The following CLPTM1L variants were observed in gnomAD, a reference collection of about 807,000 sequenced individuals.
The protein encoded by CLPTM1L is lipid scramblase CLPTM1L.
A neutral mutation model predicts 70.9 loss-of-function variants in CLPTM1L; 38 were observed. The observed-to-expected ratio is 0.54, with a 90% CI of 0.41 to 0.70. The LOEUF (loss-of-function observed/expected upper bound fraction) is 0.70. Among genes scored for constraint, CLPTM1L ranks in the 30% least tolerant of loss-of-function variants. The pLI, the probability that CLPTM1L is intolerant of heterozygous loss-of-function variation, is 0.00. For missense variants in CLPTM1L, 652 were observed against 705.9 expected, an observed-to-expected ratio of 0.92 and a Z score of 0.87; for synonymous variants, 339 against 299.9, an observed-to-expected ratio of 1.13 and a Z score of -1.35.
At chr5:1,333,888 T>C (rs1753367915) in intron 7 of CLPTM1L, among the ~76,000 whole-genome samples, 1 of 152,082 alleles carries the variant, frequency 6.6e-6, no homozygotes, top group Admixed American at 6.5e-5. Flanking sequence ...AGAACTACTT[T>C]CTGCTAGAGG....
At chr5:1,340,109 G>C (rs980247308) in intron 3 of CLPTM1L, among the ~76,000 whole-genome samples, 4 of 152,238 alleles carry the variant, frequency 2.6e-5, no homozygotes, top group Admixed American at 6.5e-5. Flanking sequence ...CGGAAGCCAG[G>C]GGGTGCTGCT....
At chr5:1,333,538 G>C (rs1472050991) in intron 7 of CLPTM1L, among the ~76,000 whole-genome samples, 15 of 130,412 alleles carry the variant, frequency 1.2e-4, no homozygotes, top group African/African-American at 3.9e-4. Context: ...TGAGGATAAG[G>C]GGGGACTACT....
At chr5:1,329,276 G>A (rs953915559) in intron 9 of CLPTM1L, among the ~76,000 whole-genome samples, 5 of 152,266 alleles carry the variant, frequency 3.3e-5, no homozygotes, top group Non-Finnish European at 5.9e-5. Flanking sequence ...AGTGATTTCC[G>A]TCAGTGCCTA....
At chr5:1,327,308 A>G (rs202123202) in intron 9 of CLPTM1L, among the ~76,000 whole-genome samples, 1 of 148,166 alleles carries the variant, frequency 6.7e-6, no homozygotes, top group Non-Finnish European at 1.5e-5. Flanking sequence ...CCTCCTCTAC[A>G]GACACATTCC....
chr5:1,339,165 C>A (rs574277644), intron 3 of CLPTM1L, among the ~76,000 whole-genome samples, 160 bp from the exon 4 acceptor site: 17 of 149,956 alleles, frequency 1.1e-4, no homozygotes, highest in African/African-American at 4.2e-4. Flanking sequence ...GATGGCCACA[C>A]AGACGGGCAA....
intron 1 of CLPTM1L, 83 bp downstream of exon 1, chr5:1,344,597 C>A (rs965379082): frequency 5.4e-6 from 8 of 1,494,784 alleles, no homozygotes; most frequent in Non-Finnish European, 7.2e-6. Flanking sequence ...CAGCTCCGAA[C>A]TGGGACGGGA....
chr5:1,320,738 G>A lies in CLPTM1L; in HGVS notation c.1417-7C>T, dbSNP rs1235645598. On this transcript the variant is annotated splice_region_variant and splice_polypyrimidine_tract_variant and intron_variant, in intron 15 of 16. Coordinates refer to ENST00000320895, the MANE Select transcript of CLPTM1L (RefSeq NM_030782.5). ...CAATGAAGGTGTTGAAAGCCTGCAG[G>A]GCCAGACGGGAGGAGGGTGAACCCC... 4 of 1,505,388 alleles carry A rather than the reference G, an allele frequency of 2.7e-6. No individual in the cohort carries two copies. The highest frequency in any genetic ancestry group is 3.6e-6 in the Non-Finnish European group (4 of 1,108,972). The allele number at this position is 1,505,388 out of a possible 1,614,324, so 93.3% of individuals were successfully genotyped here.
At chr5:1,332,206 G>C (rs372377271) in intron 7 of CLPTM1L, 68 of 335,090 alleles carry the variant, frequency 2.0e-4, no homozygotes, top group African/African-American at 1.3e-3. Flanking sequence ...CTGCTCTCGG[G>C]TTGTGCCCAC....
chr5:1,335,527 A>G (rs1450178346), intron 5 of CLPTM1L, among the ~76,000 whole-genome samples: 1 of 152,252 alleles, frequency 6.6e-6, no homozygotes, highest in African/African-American at 2.4e-5. Context: ...TCCATGGCGC[A>G]GCATACGGCG....
rs1561232537 is a variant in CLPTM1L, at chr5:1,325,733, A to G, written c.1146+18T>C. The G allele has an allele frequency of 3.1e-6, 5 of 1,609,390 alleles. No individual in the cohort carries two copies. The highest frequency in any genetic ancestry group is 4.3e-6 in the Non-Finnish European group (5 of 1,175,738). On this transcript the variant is annotated intron_variant, in intron 10 of 16. Transcript: ENST00000320895. ...CTTCAGAGAGGCTTGGGGTTCAGCCATTACAACTAAATCCTACCTGAAATT... is the reference window on the plus strand; with the variant it reads ...CTTCAGAGAGGCTTGGGGTTCAGCCGTTACAACTAAATCCTACCTGAAATT...
In CLPTM1L at chr5:1,342,038, GTGCA is replaced by G. The variant is rs1753976945; in HGVS notation, c.264-182_264-179del. 1.5e-5 allele frequency among the ~76,000 whole-genome samples: 2 copies of G among 136,442 alleles called. No individual in the cohort carries two copies. The highest frequency in any genetic ancestry group is 2.2e-4 in the South Asian group (1 of 4,646). 89.5% of individuals were successfully genotyped at this position (136,442 alleles called of 152,430 possible). Reference sequence around the variant, plus strand: ...TGTGTGTGTGTGTGTGTGTGTGTGTGTGCACGCGCACGCGTGCGCGTCCTGAGAA... The same window carrying G: ...TGTGTGTGTGTGTGTGTGTGTGTGTGCGCGCACGCGTGCGCGTCCTGAGAA... On this transcript the variant is annotated intron_variant, in intron 2 of 16. Coordinates refer to ENST00000320895, the MANE Select transcript of CLPTM1L (RefSeq NM_030782.5). This position sits in a 1 kb window ranked among gnomAD's most constrained non-coding sequence, Gnocchi z 4.3.
chr5:1,329,033 C>T (rs1752890089), intron 9 of CLPTM1L, among the ~76,000 whole-genome samples: 1 of 150,206 alleles, frequency 6.7e-6, no homozygotes, highest in Non-Finnish European at 1.5e-5. Context: ...GCATGACGGC[C>T]GCAGAGGCCC....
At chr5:1,337,709 G>A (rs746081716) in intron 5 of CLPTM1L, among the ~76,000 whole-genome samples, 195 bp downstream of exon 5, 12 of 152,296 alleles carry the variant, frequency 7.9e-5, no homozygotes, top group South Asian at 2.1e-4. Context: ...GCCAGCCAAC[G>A]GCAAACCCAG....
chr5:1,323,335 C>T (rs1036963718), intron 12 of CLPTM1L, among the ~76,000 whole-genome samples: 4 of 130,582 alleles, frequency 3.1e-5, no homozygotes, highest in Non-Finnish European at 5.5e-5. Context: ...CCCACCTGGG[C>T]AACAGAGGCT....
In CLPTM1L at chr5:1,334,467, A is replaced by G. The variant is rs1050278271; in HGVS notation, c.797-84T>C. The G allele has an allele frequency of 4.9e-6, 5 of 1,028,520 alleles. No homozygotes were observed. In the African/African-American group the frequency reaches 6.5e-5, roughly 13 times the overall value. The allele number at this position is 1,028,520 out of a possible 1,614,324, so 63.7% of individuals were successfully genotyped here. Reference sequence around the variant, plus strand: ...TACAAATACAGTTTTCAATATAAAAATTTAGGCCGGGCGCAGTGGCTCATG... The same window carrying G: ...TACAAATACAGTTTTCAATATAAAAGTTTAGGCCGGGCGCAGTGGCTCATG... On this transcript the variant is annotated intron_variant, in intron 6 of 16. Transcript: ENST00000320895.
intron 13 of CLPTM1L, 63 bp downstream of exon 13, chr5:1,322,814 G>T (rs1298177763): frequency 6.5e-7 from 1 of 1,547,788 alleles, no homozygotes; most frequent in South Asian, 1.1e-5. Flanking sequence ...TTCAATGCAA[G>T]AACAATTAAA....
At chr5:1,327,827 T>G (rs1445028712) in intron 9 of CLPTM1L, among the ~76,000 whole-genome samples, 2 of 148,020 alleles carry the variant, frequency 1.4e-5, no homozygotes. Context: ...GCTCCTCCTC[T>G]ACAGACACAT....
chr5:1,335,210 A>AG, intron 5 of CLPTM1L, 36 bp from the exon 6 acceptor site: 4 of 1,555,846 alleles, frequency 2.6e-6, no homozygotes, highest in Non-Finnish European at 3.5e-6. Context: ...CCCTGCCCTC[A>AG]TACCCTTGCA....
Position 1,334,459 on chromosome 5 carries a change from A to G in CLPTM1L, c.797-76T>C, listed in dbSNP as rs1378764127. 4.4e-6 allele frequency: 5 copies of G among 1,132,118 alleles called. No homozygotes were observed. The African/African-American group carries it at 6.3e-5, about 14-fold the overall frequency. 70.1% of individuals were successfully genotyped at this position (1,132,118 alleles called of 1,614,324 possible). Reference sequence around the variant, plus strand: ...CCTAACATTACAAATACAGTTTTCAATATAAAAATTTAGGCCGGGCGCAGT... The same window carrying G: ...CCTAACATTACAAATACAGTTTTCAGTATAAAAATTTAGGCCGGGCGCAGT... On this transcript the variant is annotated intron_variant, in intron 6 of 16. Transcript: ENST00000320895.
Sources: gnomAD v4.1 joint callset for allele counts (sites outside exome capture counted in the v4.1 genomes callset) on GRCh38, gnomAD v4.1.1 for gene constraint, Gnocchi (gnomAD v3.1) non-coding constraint, MANE v1.5 for transcripts, NCBI Gene and HGNC (gene_info 2026-07-23, HGNC 2026-07-21) for gene names.